NCK1: variants seen among roughly 807,000 people sequenced by gnomAD.
NCK1 encodes the protein NCK adaptor protein 1.
A neutral mutation model predicts 36.6 loss-of-function variants in NCK1; 19 were observed. That is an observed-to-expected ratio of 0.52 (90% CI 0.36 to 0.76). The LOEUF (loss-of-function observed/expected upper bound fraction) is 0.76, where lower values mean the gene tolerates loss of function less well. Ranked by LOEUF, NCK1 falls within the 30% of genes least tolerant of loss-of-function variation. The probability of loss-of-function intolerance (pLI) is 0.00; values close to 1 mark genes in which losing one functional copy is unlikely to be tolerated. For synonymous variants in NCK1, 165 were observed against 156.0 expected, an observed-to-expected ratio of 1.06 and a Z score of -0.43; for missense variants, 358 against 445.6, an observed-to-expected ratio of 0.80 and a Z score of 1.77.
At position 136,876,040 on chromosome 3, in the gene NCK1, C is replaced by T. The variant is rs1335832641; in HGVS notation, c.-19+13687C>T. On this transcript the variant is annotated intron_variant, in intron 1 of 3. Transcript: ENST00000481752. ...AACTACATGGAAACTGAACAACCTG[C>T]TCCTGAATGACTACTGGGTACATAA... is the stretch of plus-strand genomic sequence containing the variant. 3.3e-5 allele frequency among the ~76,000 whole-genome samples: 5 copies of T among 151,642 alleles called. No homozygotes were observed. In the East Asian group the frequency reaches 7.7e-4, roughly 24 times the overall value.
intron 2 of NCK1, among the ~76,000 whole-genome samples, chr3:136,933,252 A>G (rs1560051821): frequency 1.3e-5 from 2 of 152,206 alleles, no homozygotes; most frequent in South Asian, 2.1e-4. Flanking sequence ...CAAATAAAAC[A>G]TGATGTAATT....
intron 2 of NCK1, among the ~76,000 whole-genome samples, chr3:136,939,363 G>C (rs1452766030): frequency 6.6e-6 from 1 of 151,890 alleles, no homozygotes; most frequent in Non-Finnish European, 1.5e-5. Context: ...CTCTCTTGTT[G>C]GTCTAGCTAA....
At chr3:136,872,919 T>C (rs986778309) in intron 1 of NCK1, among the ~76,000 whole-genome samples, 1 of 152,186 alleles carries the variant, frequency 6.6e-6, no homozygotes, top group African/African-American at 2.4e-5. Context: ...AGAAGATGTA[T>C]GGAAATGCTT....
At chr3:136,881,848 T>C (rs951884987) in intron 1 of NCK1, among the ~76,000 whole-genome samples, 11 of 152,350 alleles carry the variant, frequency 7.2e-5, no homozygotes, top group Admixed American at 7.2e-4. Flanking sequence ...GTAGCACATG[T>C]CAAAATTTTC....
chr3:136,941,042 G>A (rs1225205422), intron 2 of NCK1, among the ~76,000 whole-genome samples: 1 of 150,506 alleles, frequency 6.6e-6, no homozygotes, highest in Non-Finnish European at 1.5e-5. Flanking sequence ...AAGGATTTCT[G>A]CTATTTTGCT....
At chr3:136,923,122 C>T (rs533267651) in intron 1 of NCK1, among the ~76,000 whole-genome samples, 3 of 144,766 alleles carry the variant, frequency 2.1e-5, no homozygotes, top group South Asian at 2.2e-4. Context: ...TGTGTGTGTG[C>T]GCGCCTGTGT....
intron 1 of NCK1, among the ~76,000 whole-genome samples, chr3:136,907,483 C>T (rs1939715846): frequency 6.6e-6 from 1 of 152,152 alleles, no homozygotes; most frequent in Admixed American, 6.5e-5. Context: ...TCAGGGCCTG[C>T]AGCACTTGAG....
intron 2 of NCK1, among the ~76,000 whole-genome samples, chr3:136,944,639 G>A (rs1166110006): frequency 6.6e-6 from 1 of 152,180 alleles, no homozygotes; most frequent in Non-Finnish European, 1.5e-5. Context: ...AGAGAGTCAG[G>A]AAAGATAGTA....
At chr3:136,876,178 C>G (rs1415324585) in intron 1 of NCK1, among the ~76,000 whole-genome samples, 7 of 151,996 alleles carry the variant, frequency 4.6e-5, no homozygotes, top group Non-Finnish European at 1.0e-4. Flanking sequence ...ATTTATAGCA[C>G]TAAATGCCCA....
chr3:136,895,494 T>G (rs1448638415), intron 1 of NCK1, among the ~76,000 whole-genome samples: 1 of 152,186 alleles, frequency 6.6e-6, no homozygotes, highest in East Asian at 1.9e-4. Flanking sequence ...TTTTCATCTT[T>G]TCTCTGTTAA....
rs186056454 is a variant in NCK1, at chr3:136,907,069, T to C, written c.-18-20915T>C. 2.0e-5 allele frequency among the ~76,000 whole-genome samples: 3 copies of C among 151,740 alleles called. No individual in the cohort carries two copies. In the East Asian group the frequency reaches 5.8e-4, roughly 30 times the overall value. On this transcript the variant is annotated intron_variant, in intron 1 of 3. Coordinates refer to ENST00000481752, the MANE Select transcript of NCK1 (RefSeq NM_001291999.2). ...GCTGTGGCCTTGTTACCGGGAAGGG[T>C]GGGGTTGCTGTCAGTGGGAGCATTC... is the stretch of plus-strand genomic sequence containing the variant.
chr3:136,885,000 T>A (rs1161385043), intron 1 of NCK1, among the ~76,000 whole-genome samples: 1 of 152,140 alleles, frequency 6.6e-6, no homozygotes, highest in Admixed American at 6.6e-5. Context: ...AGATTATAGG[T>A]GTGAGCCACT....
intron 1 of NCK1, among the ~76,000 whole-genome samples, chr3:136,866,700 G>A (rs1290401691): frequency 1.3e-5 from 2 of 151,200 alleles, no homozygotes; most frequent in Non-Finnish European, 2.9e-5. Flanking sequence ...TGCAACCTCC[G>A]TCTCCTTGGT....
chr3:136,875,097 G>A (rs1261991754), intron 1 of NCK1, among the ~76,000 whole-genome samples: 2 of 152,030 alleles, frequency 1.3e-5, no homozygotes, highest in Admixed American at 1.3e-4. Context: ...TTAGTTCTGG[G>A]ACATTTTCTT....
At chr3:136,924,622 T>C (rs1277600117) in intron 1 of NCK1, among the ~76,000 whole-genome samples, 1 of 152,216 alleles carries the variant, frequency 6.6e-6, no homozygotes, top group Non-Finnish European at 1.5e-5. Context: ...CTTTTGAAAA[T>C]ATACTGATAA....
chr3:136,896,271 A>C (rs957351428), intron 1 of NCK1, among the ~76,000 whole-genome samples: 1 of 151,882 alleles, frequency 6.6e-6, no homozygotes, highest in Non-Finnish European at 1.5e-5. Context: ...ACATTGAGCA[A>C]CCTCTTTTCA....
chr3:136,942,005 A>AT (rs1407471994), intron 2 of NCK1, among the ~76,000 whole-genome samples: 1 of 151,900 alleles, frequency 6.6e-6, no homozygotes, highest in Non-Finnish European at 1.5e-5. Context: ...CGCCCGGCTA[A>AT]TTTTTTGTAT....
intron 1 of NCK1, among the ~76,000 whole-genome samples, chr3:136,872,085 C>T (rs1422950841): frequency 6.6e-6 from 1 of 152,148 alleles, no homozygotes; most frequent in Non-Finnish European, 1.5e-5. Context: ...AATGTGGAAG[C>T]AACTTTGGAA....
At chr3:136,923,929 C>T (rs987148038) in intron 1 of NCK1, among the ~76,000 whole-genome samples, 3 of 152,128 alleles carry the variant, frequency 2.0e-5, no homozygotes, top group African/African-American at 7.2e-5. Flanking sequence ...TATATTCTAC[C>T]TTTTCTGTAA....
Sources: gnomAD v4.1 joint callset for allele counts (sites outside exome capture counted in the v4.1 genomes callset) on GRCh38, gnomAD v4.1.1 for gene constraint, MANE v1.5 for transcripts, NCBI Gene and HGNC (gene_info 2026-07-23, HGNC 2026-07-21) for gene names.